The following MOCOS variants were observed in gnomAD, a reference collection of about 807,000 sequenced individuals.
MOCOS encodes the protein molybdenum cofactor sulfurase.
A neutral mutation model predicts 83.6 loss-of-function variants in MOCOS; 86 were observed. The ratio of observed to expected loss-of-function variants is 1.03; its 90% CI spans 0.86 to 1.23. The LOEUF (loss-of-function observed/expected upper bound fraction) is 1.23, where lower values mean the gene tolerates loss of function less well. Ranked by LOEUF, MOCOS falls within the 50% of genes most tolerant of loss-of-function variation. The pLI is 0.00. For synonymous variants in MOCOS, 445 were observed against 434.7 expected (o/e 1.02, Z -0.29); for missense variants, 1,120 against 1,126.9 (o/e 0.99, Z 0.09).
Position 36,256,978 on chromosome 18 carries a change from T to G in MOCOS, c.2175T>G (p.Pro725=), listed in dbSNP as rs151067903. ...CTCCATCATTTTCAGATCAACTTCCTGGTACAATGGCCACCCTTTCTCTGG... is the reference window on the plus strand; with the variant it reads ...CTCCATCATTTTCAGATCAACTTCCGGGTACAATGGCCACCCTTTCTCTGG... ...AKKKHGKDQL[P]GTMATLSLVN... is the part of the protein sequence containing the mutation. The change falls in exon 12 of 15, where the codon CCT becomes CCG. Residue 725 remains proline, a synonymous_variant. Coordinates refer to ENST00000261326, the MANE Select transcript of MOCOS (RefSeq NM_017947.4). The G allele has an allele frequency of 2.9e-5, 46 of 1,613,780 alleles. No homozygotes were observed. In the African/African-American group the frequency reaches 5.9e-4, roughly 21 times the overall value.
At chr18:36,252,383 C>T (rs2091625120) in intron 11 of MOCOS, among the ~76,000 whole-genome samples, 1 of 152,068 alleles carries the variant, frequency 6.6e-6, no homozygotes, top group South Asian at 2.1e-4. Context: ...AATTATGAAA[C>T]CGTATCTCTT....
At chr18:36,244,851 G>A (rs547550473) in intron 9 of MOCOS, among the ~76,000 whole-genome samples, 16 of 152,054 alleles carry the variant, frequency 1.1e-4, no homozygotes, top group Admixed American at 3.3e-4. Context: ...CTTTCCTGTT[G>A]GACTGTTCTT....
chr18:36,242,917 T>A (rs2091589137), intron 9 of MOCOS, among the ~76,000 whole-genome samples: 1 of 152,234 alleles, frequency 6.6e-6, no homozygotes, highest in African/African-American at 2.4e-5. Flanking sequence ...TCAGATTTGT[T>A]TCCATTTGTT....
chr18:36,195,937 C>T (rs1035283323), intron 2 of MOCOS, among the ~76,000 whole-genome samples: 24 of 152,108 alleles, frequency 1.6e-4, no homozygotes, highest in Non-Finnish European at 1.3e-4. Flanking sequence ...GGAAAGCTTC[C>T]TTTGGAGTGG....
intron 9 of MOCOS, 39 bp downstream of exon 9, chr18:36,220,256 C>T: frequency 1.9e-6 from 3 of 1,610,894 alleles, no homozygotes; most frequent in African/African-American, 1.3e-5. Flanking sequence ...CAGCTCCCAA[C>T]AGCAGCTTTT....
At chr18:36,218,040 A>C (rs1396436661) in intron 8 of MOCOS, among the ~76,000 whole-genome samples, 1 of 152,178 alleles carries the variant, frequency 6.6e-6, no homozygotes, top group Non-Finnish European at 1.5e-5. Context: ...ACCATCTTGC[A>C]AAAGCAGGAT....
chr18:36,248,836 T>C (rs989460746), intron 9 of MOCOS, 86 bp from the exon 10 acceptor site: 3 of 1,105,268 alleles, frequency 2.7e-6, no homozygotes, highest in African/African-American at 3.1e-5. Flanking sequence ...GCTGTTTTGG[T>C]TACTACAGCT....
At chr18:36,211,937 C>T (rs1027685875) in intron 6 of MOCOS, among the ~76,000 whole-genome samples, 11 of 152,308 alleles carry the variant, frequency 7.2e-5, no homozygotes, top group Middle Eastern at 6.8e-3. Context: ...CCCTGGGACA[C>T]TAGCTTTGGA....
intron 11 of MOCOS, 125 bp downstream of exon 11, chr18:36,251,408 C>T (rs964262623): frequency 1.5e-5 from 20 of 1,321,682 alleles, no homozygotes; most frequent in Admixed American, 3.5e-5. Context: ...GGTCATCAGC[C>T]TTTAGCAGAA....
rs533830152 is a variant in MOCOS, at chr18:36,270,802, T to G, written c.*2117T>G. 1 of 152,212 alleles carries G rather than the reference T, an allele frequency of 6.6e-6. No individual in the cohort carries two copies. Among genetic ancestry groups the G allele is most frequent in the South Asian group, 2.1e-4 (1 of 4,790 alleles). 9.4% of individuals were successfully genotyped at this position (152,212 alleles called of 1,614,324 possible). Reference sequence around the variant, plus strand: ...ATGTCACCTTTTGCAGTAGATACTTTCATGACTGATTTCAGGCTTTTTGTT... The same window carrying G: ...ATGTCACCTTTTGCAGTAGATACTTGCATGACTGATTTCAGGCTTTTTGTT... On this transcript the variant is annotated 3_prime_UTR_variant, in exon 15 of 15. Coordinates refer to ENST00000261326, the MANE Select transcript of MOCOS (RefSeq NM_017947.4).
chr18:36,244,848 G>T (rs999058466), intron 9 of MOCOS, among the ~76,000 whole-genome samples: 2 of 152,084 alleles, frequency 1.3e-5, no homozygotes, highest in Admixed American at 6.6e-5. Context: ...ACACTTTCCT[G>T]TTGGACTGTT....
At chr18:36,222,235 T>C (rs575174625) in intron 9 of MOCOS, among the ~76,000 whole-genome samples, 36 of 152,310 alleles carry the variant, frequency 2.4e-4, no homozygotes, top group African/African-American at 7.7e-4. Context: ...TGAAATTATT[T>C]TGGATAAGTA....
At chr18:36,243,921 C>T (rs2091593460) in intron 9 of MOCOS, among the ~76,000 whole-genome samples, 2 of 151,952 alleles carry the variant, frequency 1.3e-5, no homozygotes, top group Non-Finnish European at 2.9e-5. Context: ...TTCATAGTTG[C>T]CTTGAATGAT....
At chr18:36,227,844 A>G (rs546669371) in intron 9 of MOCOS, among the ~76,000 whole-genome samples, 2 of 152,360 alleles carry the variant, frequency 1.3e-5, no homozygotes, top group Admixed American at 1.3e-4. Flanking sequence ...AATGGGATAT[A>G]ATTAAACTAG....
At chr18:36,234,638 C>G (rs1426383692) in intron 9 of MOCOS, among the ~76,000 whole-genome samples, 8 of 152,112 alleles carry the variant, frequency 5.3e-5, no homozygotes, top group Non-Finnish European at 1.2e-4. Flanking sequence ...GTCATTTTCA[C>G]AATATTGATT....
At chr18:36,196,478 C>T (rs1049693304) in intron 2 of MOCOS, among the ~76,000 whole-genome samples, 3 of 152,026 alleles carry the variant, frequency 2.0e-5, no homozygotes, top group African/African-American at 7.2e-5. Context: ...CAGTTTAGCT[C>T]CAGAGCCCAA....
At chr18:36,233,850 T>C (rs2091547823) in intron 9 of MOCOS, among the ~76,000 whole-genome samples, 1 of 152,212 alleles carries the variant, frequency 6.6e-6, no homozygotes, top group African/African-American at 2.4e-5. Flanking sequence ...AAAATTTCCA[T>C]TCATGTCCTT....
At chr18:36,262,525 G>T (rs2091667676) in intron 13 of MOCOS, among the ~76,000 whole-genome samples, 1 of 152,046 alleles carries the variant, frequency 6.6e-6, no homozygotes, top group East Asian at 1.9e-4. Context: ...TTGAGACAGG[G>T]TCTTACTCTG....
intron 2 of MOCOS, among the ~76,000 whole-genome samples, chr18:36,196,292 C>G (rs564359910): frequency 9.9e-5 from 15 of 152,216 alleles, no homozygotes; most frequent in Non-Finnish European, 2.2e-4. Flanking sequence ...TAACATTTAT[C>G]AGGTACTCGC....
Sources: allele counts gnomAD v4.1 joint callset (sites outside exome capture counted in the v4.1 genomes callset), GRCh38; gene constraint gnomAD v4.1.1; transcripts MANE v1.5; gene names NCBI Gene and HGNC (gene_info 2026-07-23, HGNC 2026-07-21).